Variants in OPCML observed in about 807,000 individuals in gnomAD.
OPCML encodes the protein opioid-binding protein/cell adhesion molecule.
A neutral mutation model predicts 37.8 loss-of-function variants in OPCML; 13 were observed. The ratio of observed to expected loss-of-function variants is 0.34; its 90% CI spans 0.22 to 0.55. The LOEUF is 0.55. OPCML is among the 20% of genes least tolerant of loss of function. The pLI is 0.91. For synonymous variants in OPCML, 176 were observed against 168.8 expected (o/e 1.04, Z -0.33); for missense variants, 341 against 435.6 (o/e 0.78, Z 1.93).
chr11:132,597,893 C>A (rs1011175354), intron 3 of OPCML, among the ~76,000 whole-genome samples: 1 of 152,166 alleles, frequency 6.6e-6, no homozygotes, highest in Non-Finnish European at 1.5e-5. Context: ...GGCATAGCTT[C>A]CTTCTATTCC....
chr11:132,753,867 G>A (rs1945934002), intron 2 of OPCML, among the ~76,000 whole-genome samples: 1 of 152,172 alleles, frequency 6.6e-6, no homozygotes, highest in South Asian at 2.1e-4. Flanking sequence ...GGTGTCTTTG[G>A]TTTTGCATTT....
chr11:132,704,406 T>C (rs1565790201), intron 2 of OPCML, among the ~76,000 whole-genome samples: 1 of 152,276 alleles, frequency 6.6e-6, no homozygotes, highest in East Asian at 1.9e-4. Flanking sequence ...GAAACCAGTT[T>C]GTAAAGAAGT....
chr11:133,122,845 G>A (rs140436579), intron 1 of OPCML, among the ~76,000 whole-genome samples: 2 of 152,246 alleles, frequency 1.3e-5, no homozygotes, highest in East Asian at 1.9e-4. Flanking sequence ...GCAAAAGTTC[G>A]CTGACACTGC....
rs141623973 is a variant in OPCML at position 133,124,903 on chromosome 11, G to A, written c.62-181893C>T. 3.2e-4 allele frequency among the ~76,000 whole-genome samples: 49 copies of A among 152,222 alleles called. No individual in the cohort carries two copies. In the East Asian group the frequency reaches 9.1e-3, roughly 28 times the overall value. On this transcript the variant is annotated intron_variant, in intron 1 of 7. Coordinates refer to ENST00000524381, the MANE Select transcript of OPCML (RefSeq NM_001012393.5). Reference sequence around the variant, plus strand: ...GAATGGAGAGACCTAAGGAAGAGAGGTCTTCCCAGTGGACACCCAATGAGG... The same window carrying A: ...GAATGGAGAGACCTAAGGAAGAGAGATCTTCCCAGTGGACACCCAATGAGG...
At chr11:132,617,727 C>T (rs1332747947) in intron 3 of OPCML, among the ~76,000 whole-genome samples, 1 of 152,252 alleles carries the variant, frequency 6.6e-6, no homozygotes, top group Non-Finnish European at 1.5e-5. Flanking sequence ...CTCTTGTAGA[C>T]AGTGCCATCT....
At chr11:133,304,622 C>T (rs552710854) in intron 1 of OPCML, among the ~76,000 whole-genome samples, 8 of 152,240 alleles carry the variant, frequency 5.3e-5, no homozygotes, top group Admixed American at 1.3e-4. Flanking sequence ...ATACCCAATG[C>T]CTTCTTGAAG....
At chr11:132,725,730 G>A (rs1043010762) in intron 2 of OPCML, among the ~76,000 whole-genome samples, 14 of 147,944 alleles carry the variant, frequency 9.5e-5, no homozygotes, top group Middle Eastern at 3.6e-3. Context: ...AGAGTGAGCC[G>A]AGATCACGCC....
At chr11:132,671,310 C>G (rs1942468629) in intron 2 of OPCML, among the ~76,000 whole-genome samples, 1 of 152,038 alleles carries the variant, frequency 6.6e-6, no homozygotes, top group Non-Finnish European at 1.5e-5. Flanking sequence ...TGCGAACTGT[C>G]TCTCCTAAAA....
At chr11:133,241,682 G>A (rs1940735634) in intron 1 of OPCML, among the ~76,000 whole-genome samples, 1 of 152,224 alleles carries the variant, frequency 6.6e-6, no homozygotes. Context: ...CCCTCCTAAT[G>A]TAAGGATTCC....
intron 2 of OPCML, among the ~76,000 whole-genome samples, chr11:132,670,621 G>C (rs897285727): frequency 6.6e-6 from 1 of 152,002 alleles, no homozygotes; most frequent in African/African-American, 2.4e-5. Context: ...CCAGTCACAG[G>C]TCTATAATTT....
chr11:133,208,630 G>A lies in OPCML; in HGVS notation c.62-265620C>T, dbSNP rs1033805496. On this transcript the variant is annotated intron_variant, in intron 1 of 7. Coordinates refer to ENST00000524381, the MANE Select transcript of OPCML (RefSeq NM_001012393.5). This position sits in a 1 kb window ranked among gnomAD's most constrained non-coding sequence, Gnocchi z 8.9. ...ACATATTTGACATGCATCTCACCTC[G>A]AGTTATCCTTTGTCTGCTGTTAAGC... Among the ~76,000 whole-genome samples the A allele has an allele frequency of 9.9e-5, 15 of 152,130 alleles. No homozygotes were observed. Among genetic ancestry groups the A allele is most frequent in the Non-Finnish European group, 1.9e-4 (13 of 68,030 alleles).
intron 4 of OPCML, among the ~76,000 whole-genome samples, chr11:132,511,827 T>G (rs1171330211): frequency 6.6e-6 from 1 of 151,254 alleles, no homozygotes; most frequent in Non-Finnish European, 1.5e-5. Context: ...TATAACGTTT[T>G]TAACCTCCAT....
At chr11:132,665,614 G>A (rs79695692) in intron 2 of OPCML, among the ~76,000 whole-genome samples, 3,431 of 152,254 alleles carry the variant, frequency 0.023, 131 homozygotes, top group African/African-American at 0.078. Context: ...AAGAAGTAAA[G>A]CGTAGGGTAG....
chr11:133,439,613 G>T (rs954789069), intron 1 of OPCML, among the ~76,000 whole-genome samples: 16 of 151,986 alleles, frequency 1.1e-4, no homozygotes, highest in South Asian at 2.1e-4. Flanking sequence ...GACTACAGGT[G>T]CCCGCCACCA....
chr11:132,870,503 A>G (rs756642200), intron 2 of OPCML, among the ~76,000 whole-genome samples: 9 of 152,182 alleles, frequency 5.9e-5, no homozygotes, highest in Non-Finnish European at 1.3e-4. Flanking sequence ...TCAAATTAAA[A>G]AAAATAAAAA....
intron 3 of OPCML, among the ~76,000 whole-genome samples, chr11:132,547,365 G>C (rs2096371117): frequency 6.6e-6 from 1 of 152,158 alleles, no homozygotes; most frequent in Admixed American, 6.5e-5. Context: ...CGAATCAAGA[G>C]TAAATGGCAT....
At chr11:133,427,276 C>T (rs1336732265) in intron 1 of OPCML, among the ~76,000 whole-genome samples, 1 of 151,642 alleles carries the variant, frequency 6.6e-6, no homozygotes, top group Non-Finnish European at 1.5e-5. Context: ...GACCACATTA[C>T]AATAAGAATA....
Position 132,462,951 on chromosome 11 carries a change from C to G in OPCML, c.506-25592G>C, listed in dbSNP as rs2136919074. ...AAGAGGGTCCAGAGTCCCAACAAGG[C>G]CATGACCACTCTGCACCTGCTGCTG... On this transcript the variant is annotated intron_variant, in intron 4 of 7. Coordinates refer to ENST00000524381, the MANE Select transcript of OPCML (RefSeq NM_001012393.5). Among the ~76,000 whole-genome samples the G allele has an allele frequency of 1.3e-5, 2 of 152,278 alleles. 1 individual carries two copies. Among genetic ancestry groups the G allele is most frequent in the East Asian group, 3.9e-4 (2 of 5,164 alleles).
At chr11:132,763,196 C>A (rs1260690663) in intron 2 of OPCML, among the ~76,000 whole-genome samples, 1 of 152,178 alleles carries the variant, frequency 6.6e-6, no homozygotes, top group East Asian at 1.9e-4. Flanking sequence ...GTTGGAAATG[C>A]AGAAATGACC....
Sources: allele counts gnomAD v4.1 joint callset (sites outside exome capture counted in the v4.1 genomes callset), GRCh38; gene constraint gnomAD v4.1.1; non-coding constraint Gnocchi (gnomAD v3.1); transcripts MANE v1.5; gene names NCBI Gene and HGNC (gene_info 2026-07-23, HGNC 2026-07-21).